The following CRADD variants were observed in gnomAD, a reference collection of about 807,000 sequenced individuals.
CRADD encodes the protein death domain-containing protein CRADD.
In CRADD, 9 loss-of-function variants were observed where a neutral mutation model predicts 15.5. The ratio of observed to expected loss-of-function variants is 0.58; its 90% CI spans 0.35 to 1.01. The LOEUF is 1.01. CRADD is among the 50% of genes least tolerant of loss of function. The pLI, the probability that CRADD is intolerant of heterozygous loss-of-function variation, is 0.02. For missense variants in CRADD, 227 were observed against 250.3 expected (o/e 0.91, Z 0.63); for synonymous variants, 118 against 107.6 (o/e 1.10, Z -0.60).
chr12:93,733,111 A>C (rs1232965674), intron 2 of CRADD, among the ~76,000 whole-genome samples: 1 of 152,226 alleles, frequency 6.6e-6, no homozygotes, highest in African/African-American at 2.4e-5. Flanking sequence ...CTATGCCTGG[A>C]GGAAAGTCAG....
At chr12:93,837,283 T>G (rs192171902) in intron 2 of CRADD, 4,750 of 152,764 alleles carry the variant, frequency 0.031, 220 homozygotes, top group African/African-American at 0.092. Context: ...TTTTGTTTTT[T>G]TTTTTAGAGG....
intron 2 of CRADD, among the ~76,000 whole-genome samples, chr12:93,732,973 C>A (rs1256575783): frequency 1.3e-5 from 2 of 152,186 alleles, no homozygotes; most frequent in Non-Finnish European, 2.9e-5. Context: ...CTGCCCTTAA[C>A]AACCTCCTAA....
intron 2 of CRADD, among the ~76,000 whole-genome samples, chr12:93,763,982 C>G (rs1956998469): frequency 6.6e-6 from 1 of 152,096 alleles, no homozygotes; most frequent in Non-Finnish European, 1.5e-5. Context: ...AGCCCAGAAA[C>G]AAAGAGAGGG....
At chr12:93,782,970 T>G (rs34300099) in intron 2 of CRADD, among the ~76,000 whole-genome samples, 1 of 152,130 alleles carries the variant, frequency 6.6e-6, no homozygotes, top group African/African-American at 2.4e-5. Flanking sequence ...TCTTTACACT[T>G]TCCTCTACTT....
chr12:93,817,770 C>A (rs1021950832), intron 2 of CRADD, among the ~76,000 whole-genome samples: 1 of 152,160 alleles, frequency 6.6e-6, no homozygotes, highest in African/African-American at 2.4e-5. Context: ...TCAGGAAGCT[C>A]AGGCTGGGAA....
At chr12:93,733,180 G>T (rs1256367096) in intron 2 of CRADD, among the ~76,000 whole-genome samples, 3 of 152,152 alleles carry the variant, frequency 2.0e-5, no homozygotes, top group African/African-American at 7.2e-5. Context: ...CAAAGAACAT[G>T]TTAAGGCTTT....
chr12:93,715,537 G>C (rs548516062), intron 2 of CRADD, among the ~76,000 whole-genome samples: 3 of 152,314 alleles, frequency 2.0e-5, no homozygotes, highest in Admixed American at 2.0e-4. Flanking sequence ...TTTTTGGGAG[G>C]CTGAGGCAGG....
At position 93,850,661 on chromosome 12, in the gene CRADD, A is replaced by C. The variant is rs1433911558; in HGVS notation, c.*390A>C. 2 of 976,264 alleles carry C rather than the reference A, an allele frequency of 2.0e-6. No individual in the cohort carries two copies. Among genetic ancestry groups the C allele is most frequent in the Admixed American group, 1.2e-4 (2 of 16,296 alleles). The allele number at this position is 976,264 out of a possible 1,614,324, so 60.5% of individuals were successfully genotyped here. On this transcript the variant is annotated 3_prime_UTR_variant, in exon 3 of 3. Coordinates refer to ENST00000332896, the MANE Select transcript of CRADD (RefSeq NM_003805.5). The surrounding 1 kb of genome is among the most constrained non-coding windows in gnomAD (Gnocchi z 4.0). ...TCTCATATGTAAAACATTTACCTGA[A>C]TGTTGTCTGAGGACTGAACTGTGGA...
intron 2 of CRADD, among the ~76,000 whole-genome samples, chr12:93,799,045 G>A (rs2136994569): frequency 1.3e-5 from 2 of 152,198 alleles, no homozygotes; most frequent in East Asian, 1.9e-4. Context: ...GAGGGAAGAG[G>A]GGGAGGGGAG....
At chr12:93,832,336 TTTC>T (rs1482399159) in intron 2 of CRADD, among the ~76,000 whole-genome samples, 3 of 152,338 alleles carry the variant, frequency 2.0e-5, no homozygotes, top group East Asian at 3.9e-4. Flanking sequence ...ACTTTTTTCA[TTTC>T]TTTGGTCTTA....
intron 2 of CRADD, among the ~76,000 whole-genome samples, chr12:93,823,850 A>C (rs1450786872): frequency 6.6e-6 from 1 of 152,170 alleles, no homozygotes; most frequent in Non-Finnish European, 1.5e-5. Context: ...GTCTAAAGAG[A>C]CTGTACTAGA....
chr12:93,686,714 A>G (rs1254682748), intron 2 of CRADD, among the ~76,000 whole-genome samples: 1 of 152,224 alleles, frequency 6.6e-6, no homozygotes, highest in Non-Finnish European at 1.5e-5. Context: ...ACAGAGGCCT[A>G]GGGAGATTAA....
chr12:93,782,742 T>C (rs1957226276), intron 2 of CRADD, among the ~76,000 whole-genome samples: 1 of 152,176 alleles, frequency 6.6e-6, no homozygotes, highest in African/African-American at 2.4e-5. Context: ...TATTACATGT[T>C]ACTAAGGAAT....
At chr12:93,737,495 G>A (rs1374253666) in intron 2 of CRADD, among the ~76,000 whole-genome samples, 1 of 152,182 alleles carries the variant, frequency 6.6e-6, no homozygotes, top group Non-Finnish European at 1.5e-5. Flanking sequence ...AACTAATCTG[G>A]TATGTGTTAT....
At chr12:93,855,993 A>G (rs1958270621) in intron 2 of CRADD, among the ~76,000 whole-genome samples, 1 of 152,136 alleles carries the variant, frequency 6.6e-6, no homozygotes, top group Non-Finnish European at 1.5e-5. Context: ...TTTGTAGTAG[A>G]GACGGGGTTT....
intron 2 of CRADD, among the ~76,000 whole-genome samples, chr12:93,876,197 G>A (rs903436892): frequency 2.0e-5 from 3 of 152,068 alleles, no homozygotes; most frequent in African/African-American, 7.2e-5. Context: ...GCATAGTGGA[G>A]CTCCATTGTA....
At chr12:93,828,962 A>C (rs2137027426) in intron 2 of CRADD, among the ~76,000 whole-genome samples, 1 of 152,336 alleles carries the variant, frequency 6.6e-6, no homozygotes, top group East Asian at 1.9e-4. Flanking sequence ...TTATATGTGA[A>C]CAACTGGCAT....
chr12:93,894,432 A>G (rs1214326967), exon 3 of CRADD: 1 of 297,560 alleles, frequency 3.4e-6, no homozygotes, highest in African/African-American at 2.1e-5. Context: ...TCAGCAGTCC[A>G]GAGCAATTGC....
At chr12:93,878,375 T>C (rs1958471891) in intron 2 of CRADD, among the ~76,000 whole-genome samples, 1 of 152,130 alleles carries the variant, frequency 6.6e-6, no homozygotes, top group Admixed American at 6.5e-5. Flanking sequence ...GACACAGTAC[T>C]CCTCACTCTT....
Sources: allele counts gnomAD v4.1 joint callset (sites outside exome capture counted in the v4.1 genomes callset), GRCh38; gene constraint gnomAD v4.1.1; non-coding constraint Gnocchi (gnomAD v3.1); transcripts MANE v1.5; gene names NCBI Gene and HGNC (gene_info 2026-07-23, HGNC 2026-07-21).